Variants in MGMT observed in about 807,000 individuals in gnomAD.
The protein encoded by MGMT is methylated-DNA--protein-cysteine methyltransferase.
Under a neutral mutation model 15.9 loss-of-function variants are expected in MGMT, and 14 were observed. The ratio of observed to expected loss-of-function variants is 0.88; its 90% CI spans 0.58 to 1.37. MGMT has a LOEUF of 1.37. MGMT is among the 40% of genes most tolerant of loss of function. The pLI is 0.00. For missense variants in MGMT, 282 were observed against 268.1 expected (o/e 1.05, Z -0.36); for synonymous variants, 130 against 118.2 (o/e 1.10, Z -0.65).
At chr10:129,541,469 T>C (rs1846042166) in intron 2 of MGMT, among the ~76,000 whole-genome samples, 1 of 152,234 alleles carries the variant, frequency 6.6e-6, no homozygotes. Context: ...CCAGGCTGTA[T>C]GTGTTTACTT....
rs759006510 is a variant in MGMT, at chr10:129,554,334, T to G, written c.125+17957T>G. Among the ~76,000 whole-genome samples the G allele has an allele frequency of 1.6e-4, 25 of 152,378 alleles. No individual in the cohort carries two copies. The Middle Eastern group carries it at 0.01, about 62-fold the overall frequency. ...CTTTTGGTGTAATTCCTTCTAGCTT[T>G]TTTTTTGTTTTCATCGACATATTTA... On this transcript the variant is annotated intron_variant, in intron 2 of 4. Transcript: ENST00000651593.
chr10:129,561,346 G>T (rs906411282), intron 2 of MGMT, among the ~76,000 whole-genome samples: 1 of 152,098 alleles, frequency 6.6e-6, no homozygotes, highest in African/African-American at 2.4e-5. Flanking sequence ...GAGCGAGGAG[G>T]TCGGGAAGGA....
At chr10:129,531,850 AG>A (rs771669480) in intron 1 of MGMT, among the ~76,000 whole-genome samples, 3 of 152,004 alleles carry the variant, frequency 2.0e-5, no homozygotes, top group South Asian at 4.2e-4. Flanking sequence ...GAAATGAGGC[AG>A]GGCTTTATTT....
intron 2 of MGMT, among the ~76,000 whole-genome samples, chr10:129,646,754 A>ATTTTTTTTTTTTTTTTTT (rs1554873525): frequency 1.2e-4 from 10 of 86,632 alleles, no homozygotes; most frequent in Non-Finnish European, 2.3e-4. Context: ...ATATATATAT[A>ATTTTTTTTTTTTTTTTTT]TTTTCAGGGA....
chr10:129,573,912 T>A (rs1034458133), intron 2 of MGMT, among the ~76,000 whole-genome samples: 1 of 152,254 alleles, frequency 6.6e-6, no homozygotes, highest in East Asian at 1.9e-4. Flanking sequence ...TTTGTGAGAA[T>A]TGAATTTTTA....
At chr10:129,605,259 T>C (rs1049924227) in intron 2 of MGMT, among the ~76,000 whole-genome samples, 2 of 152,246 alleles carry the variant, frequency 1.3e-5, no homozygotes, top group East Asian at 3.8e-4. Context: ...TCAAACATAG[T>C]GTAAACTAAT....
rs548229596 is a variant in MGMT, at chr10:129,706,222, T to A, written c.126-1673T>A. Among the ~76,000 whole-genome samples the A allele has an allele frequency of 9.2e-5, 14 of 152,344 alleles. No individual in the cohort carries two copies. In the East Asian group the frequency reaches 9.7e-4, roughly 11 times the overall value. On this transcript the variant is annotated intron_variant, in intron 2 of 4. Coordinates refer to ENST00000651593, the MANE Select transcript of MGMT (RefSeq NM_002412.5). ...ACTCTGCGTCTACGTTCACACTGTC[T>A]GTCCTACGTCCGGGATGGCTCTGTT...
chr10:129,600,543 G>T (rs1589887656), intron 2 of MGMT, among the ~76,000 whole-genome samples: 1 of 152,252 alleles, frequency 6.6e-6, no homozygotes, highest in Admixed American at 6.5e-5. Flanking sequence ...TCTTAAGAGA[G>T]GGAGGTTGGC....
intron 2 of MGMT, among the ~76,000 whole-genome samples, chr10:129,621,566 G>A (rs910582035): frequency 2.0e-5 from 3 of 152,216 alleles, no homozygotes; most frequent in Non-Finnish European, 4.4e-5. Flanking sequence ...GCACGAGTGG[G>A]TAGATGAATG....
At chr10:129,481,752 C>A (rs1221345683) in intron 1 of MGMT, among the ~76,000 whole-genome samples, 1 of 152,088 alleles carries the variant, frequency 6.6e-6, no homozygotes, top group Admixed American at 6.5e-5. Context: ...CCTTTATTAT[C>A]CTTTTAATGT....
intron 2 of MGMT, among the ~76,000 whole-genome samples, chr10:129,593,102 G>T (rs1159509335): frequency 6.6e-6 from 1 of 152,216 alleles, no homozygotes; most frequent in Non-Finnish European, 1.5e-5. Flanking sequence ...GGGTGAGGGA[G>T]AAGCCCCAAG....
At chr10:129,515,767 A>G (rs1377953059) in intron 1 of MGMT, among the ~76,000 whole-genome samples, 3 of 152,182 alleles carry the variant, frequency 2.0e-5, no homozygotes, top group Non-Finnish European at 4.4e-5. Context: ...TGTGGACTGT[A>G]AAAGCAGGTT....
At chr10:129,567,193 G>T (rs1459567529) in intron 2 of MGMT, among the ~76,000 whole-genome samples, 2 of 152,122 alleles carry the variant, frequency 1.3e-5, no homozygotes, top group African/African-American at 4.8e-5. Flanking sequence ...GTGGTCATCG[G>T]CCAGACCCAT....
At chr10:129,644,163 G>T (rs1354053674) in intron 2 of MGMT, among the ~76,000 whole-genome samples, 1 of 152,058 alleles carries the variant, frequency 6.6e-6, no homozygotes, top group African/African-American at 2.4e-5. Flanking sequence ...CTATTCCATT[G>T]CTCCCCTCTC....
At chr10:129,604,149 ATCC>A (rs2133063459) in intron 2 of MGMT, among the ~76,000 whole-genome samples, 1 of 152,308 alleles carries the variant, frequency 6.6e-6, no homozygotes, top group South Asian at 2.1e-4. Flanking sequence ...CTTTGTCTCC[ATCC>A]TCCTCCTTGT....
intron 3 of MGMT, among the ~76,000 whole-genome samples, chr10:129,755,897 C>G (rs1027555707): frequency 6.6e-6 from 1 of 152,188 alleles, no homozygotes; most frequent in African/African-American, 2.4e-5. Context: ...GGTCTGTGTC[C>G]TCCTGCCGTG....
rs370800832 is a variant in MGMT at position 129,587,439 on chromosome 10, G to A, written c.125+51062G>A. ...GTCATCTAGTATGTTTTTCTTCTCA[G>A]GCATGGTGATTTTAATCCATAAAAA... On this transcript the variant is annotated intron_variant, in intron 2 of 4. Coordinates refer to ENST00000651593, the MANE Select transcript of MGMT (RefSeq NM_002412.5). 2.3e-3 allele frequency among the ~76,000 whole-genome samples: 332 copies of A among 145,482 alleles called. 1 individual carries two copies. Among genetic ancestry groups the A allele is most frequent in the African/African-American group, 8.1e-3 (317 of 39,152 alleles).
chr10:129,621,546 G>T (rs1030966469), intron 2 of MGMT, among the ~76,000 whole-genome samples: 2 of 152,188 alleles, frequency 1.3e-5, no homozygotes, highest in Non-Finnish European at 2.9e-5. Flanking sequence ...AAAGGATGGG[G>T]AACAGGGACG....
chr10:129,551,211 A>C (rs748418485), intron 2 of MGMT, among the ~76,000 whole-genome samples: 2 of 152,276 alleles, frequency 1.3e-5, no homozygotes, highest in Non-Finnish European at 2.9e-5. Context: ...TGCAAAGTGC[A>C]CTGTGAGGGA....
Sources: allele counts gnomAD v4.1 joint callset (sites outside exome capture counted in the v4.1 genomes callset), GRCh38; gene constraint gnomAD v4.1.1; transcripts MANE v1.5; gene names NCBI Gene and HGNC (gene_info 2026-07-23, HGNC 2026-07-21).